PLEKHG4B: variants seen among roughly 807,000 people sequenced by gnomAD.
PLEKHG4B encodes pleckstrin homology and RhoGEF domain containing G4B.
A neutral mutation model predicts 121.3 loss-of-function variants in PLEKHG4B; 111 were observed. The observed-to-expected ratio is 0.92, with a 90% CI of 0.78 to 1.07. The LOEUF is 1.07. PLEKHG4B is among the 50% of genes least tolerant of loss of function. The pLI is 0.00. For synonymous variants in PLEKHG4B, 738 were observed against 725.0 expected (o/e 1.02, Z -0.29); for missense variants, 1,831 against 1,757.8 (o/e 1.04, Z -0.74).
intron 13 of PLEKHG4B, among the ~76,000 whole-genome samples, chr5:168,642 G>A (rs1736431476): frequency 6.6e-6 from 1 of 152,180 alleles, no homozygotes; most frequent in Admixed American, 6.5e-5. Flanking sequence ...TAGGAAGCCT[G>A]GGAATCTGTC....
chr5:174,128 A>C, intron 18 of PLEKHG4B, 30 bp downstream of exon 18: 2 of 1,412,096 alleles, frequency 1.4e-6, no homozygotes, highest in Non-Finnish European at 1.9e-6. Flanking sequence ...AGGGCCTGCC[A>C]GGCTCAGGGG....
At chr5:180,141 T>C (rs1180357081) in intron 18 of PLEKHG4B, among the ~76,000 whole-genome samples, 1 of 152,150 alleles carries the variant, frequency 6.6e-6, no homozygotes, top group Non-Finnish European at 1.5e-5. Flanking sequence ...GTAGATATGA[T>C]GTAGGAAATG....
At chr5:118,784 TTTG>T (rs1041835256) in intron 2 of PLEKHG4B, among the ~76,000 whole-genome samples, 1 of 151,650 alleles carries the variant, frequency 6.6e-6, no homozygotes, top group African/African-American at 2.4e-5. Flanking sequence ...CACTTTGTCT[TTTG>T]TTGTCATATA....
chr5:141,820 T>C (rs1464426510), intron 3 of PLEKHG4B, among the ~76,000 whole-genome samples: 1 of 149,534 alleles, frequency 6.7e-6, no homozygotes, highest in Admixed American at 6.7e-5. Context: ...CTCCAGCAAG[T>C]AGGGCCACCC....
intron 6 of PLEKHG4B, among the ~76,000 whole-genome samples, chr5:150,972 T>A (rs529276827): frequency 6.6e-6 from 1 of 152,324 alleles, no homozygotes; most frequent in Non-Finnish European, 1.5e-5. Context: ...GAACAGATTG[T>A]GGTGAGGCAT....
At chr5:135,665 CAAAAAAAA>C (rs139636561) in intron 2 of PLEKHG4B, among the ~76,000 whole-genome samples, 9 of 18,126 alleles carry the variant, frequency 5.0e-4, no homozygotes, top group African/African-American at 1.4e-3. Context: ...GACTCCATCT[CAAAAAAAA>C]AAAAAAAAAA....
At position 163,387 on chromosome 5, in the gene PLEKHG4B, T is replaced by A; in HGVS notation, c.3315T>A (p.Ser1105Arg). Residue 1105 changes from serine (S) to arginine (R), a missense_variant, in exon 13 of 20, where the codon AGT becomes AGA. Transcript: ENST00000637938. The part of the protein sequence containing the change: ...PRDSCQPDHT[S>R]VFSKGLEVTS... ...ACTCCTGCCAGCCAGACCATACTAG[T>A]GTCTTCAGCAAGGGCCTGGAGGTAA... 6.2e-7 allele frequency: 1 copy of A among 1,613,144 alleles called. No individual in the cohort carries two copies. The highest frequency in any genetic ancestry group is 8.5e-7 in the Non-Finnish European group (1 of 1,180,032).
At chr5:123,012 G>A (rs138288169) in intron 2 of PLEKHG4B, among the ~76,000 whole-genome samples, 19 of 152,266 alleles carry the variant, frequency 1.2e-4, no homozygotes, top group African/African-American at 3.1e-4. Flanking sequence ...AAAAAAAATC[G>A]TTAAGAATAT....
intron 6 of PLEKHG4B, among the ~76,000 whole-genome samples, chr5:150,912 A>T (rs1735583939): frequency 6.6e-6 from 1 of 152,220 alleles, no homozygotes; most frequent in Non-Finnish European, 1.5e-5. Flanking sequence ...TTTACCCATG[A>T]TTGCCAAAAA....
At chr5:122,921 A>G (rs1480071467) in intron 2 of PLEKHG4B, among the ~76,000 whole-genome samples, 1 of 152,238 alleles carries the variant, frequency 6.6e-6, no homozygotes, top group African/African-American at 2.4e-5. Context: ...ATAGAGTTTC[A>G]AAATACATAA....
chr5:148,278 A>G (rs565580699), intron 6 of PLEKHG4B, among the ~76,000 whole-genome samples: 3 of 151,952 alleles, frequency 2.0e-5, no homozygotes, highest in Non-Finnish European at 4.4e-5. Flanking sequence ...ACTGGAAAGG[A>G]AGAAGTAAAA....
chr5:152,105 C>A (rs1360098851), intron 7 of PLEKHG4B, among the ~76,000 whole-genome samples: 1 of 151,650 alleles, frequency 6.6e-6, no homozygotes, highest in African/African-American at 2.4e-5. Flanking sequence ...GCAATGCGAG[C>A]GGGCTTGGTT....
At chr5:173,725 G>T (rs962963236) in intron 17 of PLEKHG4B, among the ~76,000 whole-genome samples, 193 bp from the exon 18 acceptor site, 2 of 152,040 alleles carry the variant, frequency 1.3e-5, no homozygotes, top group African/African-American at 4.8e-5. Flanking sequence ...CTGCACACAG[G>T]CACTCTCCCT....
rs763606940 is a variant in PLEKHG4B, at chr5:163,436, A to C, written c.3364A>C (p.Lys1122Gln). ...EVTSTVATEK[K>Q]LPLWQHARSP... ...AACCAGCACTGTAGCCACAGAGAAG[A>C]AGCTCCCGCTGTGGCAGCATGCCAG... is the stretch of plus-strand genomic sequence containing the variant. Residue 1122 changes from lysine to glutamine, a missense_variant, in exon 13 of 20, where the codon AAG (lysine) becomes CAG (glutamine). Coordinates refer to ENST00000637938, the MANE Select transcript of PLEKHG4B (RefSeq NM_052909.5). 5.6e-6 allele frequency: 9 copies of C among 1,612,858 alleles called. No homozygotes were observed. The highest frequency in any genetic ancestry group is 4.4e-5 in the South Asian group (4 of 91,082).
Position 156,053 on chromosome 5 carries a change from C to A in PLEKHG4B, c.2209-18C>A. The A allele has an allele frequency of 1.3e-6, 2 of 1,556,288 alleles. No homozygotes were observed. The highest frequency in any genetic ancestry group is 1.2e-5 in the South Asian group (1 of 81,262). On this transcript the variant is annotated intron_variant, in intron 9 of 19. Transcript: ENST00000637938. The surrounding 1 kb of genome is among the most constrained non-coding windows in gnomAD (Gnocchi z 4.4). ...TGGAGGAGGGAGTTAAAGGCTTATT[C>A]CTCCCCATCCCGTGCAGGAAGTCGC... is the stretch of plus-strand genomic sequence containing the variant.
rs763526426 is a variant in PLEKHG4B at position 143,030 on chromosome 5, C to G, written c.1478-17C>G. ...GGAAAACCTTCATCTTTGACACGGC[C>G]TCTTTCCTTTGTCCAGACGTTCTTG... On this transcript the variant is annotated splice_polypyrimidine_tract_variant and intron_variant, in intron 3 of 19. Transcript: ENST00000637938. 6.2e-7 allele frequency: 1 copy of G among 1,610,342 alleles called. No homozygotes were observed. The highest frequency in any genetic ancestry group is 1.7e-5 in the Admixed American group (1 of 59,956).
In PLEKHG4B at chr5:151,518, C is replaced by T. The variant is rs1442841041; in HGVS notation, c.1911C>T (p.Asn637=). 3.2e-6 allele frequency: 5 copies of T among 1,554,974 alleles called. No individual in the cohort carries two copies. In the African/African-American group the frequency reaches 4.1e-5, roughly 13 times the overall value. The change falls in exon 7 of 20, where the codon AAC becomes AAT. Residue 637 remains asparagine, a synonymous_variant. Coordinates refer to ENST00000637938, the MANE Select transcript of PLEKHG4B (RefSeq NM_052909.5). Reference sequence around the variant, plus strand: ...TTATTTCTTATTTATTTCAGAACAACACATCTCCTATAATTCATAGTATCT... The same window carrying T: ...TTATTTCTTATTTATTTCAGAACAATACATCTCCTATAATTCATAGTATCT... ...VSQALSGLQN[N]TSPIIHSILL...
At chr5:147,301 C>A (rs965942035) in intron 6 of PLEKHG4B, among the ~76,000 whole-genome samples, 28 of 152,254 alleles carry the variant, frequency 1.8e-4, no homozygotes, top group Non-Finnish European at 3.1e-4. Flanking sequence ...CTGAGAGATT[C>A]TCAAGGCCTC....
rs1022936955 is a variant in PLEKHG4B, at chr5:189,434, C to T, written c.*7111C>T. ...GGGTGGTCCAGGCATGTCCCCAACG[C>T]AGGTCCAGCCATCTCTGCACAGAAC... On this transcript the variant is annotated 3_prime_UTR_variant, in exon 20 of 20. Coordinates refer to ENST00000637938, the MANE Select transcript of PLEKHG4B (RefSeq NM_052909.5). 9 of 152,368 alleles carry T rather than the reference C, an allele frequency of 5.9e-5. No homozygotes were observed. The highest frequency in any genetic ancestry group is 4.6e-4 in the Admixed American group (7 of 15,292). The allele number at this position is 152,368 out of a possible 1,614,324, so 9.4% of individuals were successfully genotyped here.
Sources: allele counts gnomAD v4.1 joint callset (sites outside exome capture counted in the v4.1 genomes callset), GRCh38; gene constraint gnomAD v4.1.1; non-coding constraint Gnocchi (gnomAD v3.1); transcripts MANE v1.5; gene names NCBI Gene and HGNC (gene_info 2026-07-23, HGNC 2026-07-21).